TOP6BL: variants seen among roughly 807,000 people sequenced by gnomAD.
TOP6BL encodes type 2 DNA topoisomerase 6 subunit B-like.
At chr11:66,759,691 C>G in the TOP6BL span, among the ~76,000 whole-genome samples, 160 of 152,298 alleles carry the variant, frequency 1.1e-3, no homozygotes, top group Non-Finnish European at 2.0e-3. Context: ...TCAAGCAATT[C>G]TCCTGCCTCA....
the TOP6BL span, among the ~76,000 whole-genome samples, chr11:66,784,368 C>T: frequency 6.6e-6 from 1 of 151,726 alleles, no homozygotes; most frequent in Non-Finnish European, 1.5e-5. Context: ...GGGGTTTTGC[C>T]AAGGGGTGGT....
chr11:66,747,563 A>G, the TOP6BL span, among the ~76,000 whole-genome samples: 1 of 151,746 alleles, frequency 6.6e-6, no homozygotes, highest in East Asian at 2.0e-4. Context: ...TGGTAGTTTT[A>G]TCCCCATTTT....
chr11:66,762,465 C>T, the TOP6BL span: 6 of 277,148 alleles, frequency 2.2e-5, no homozygotes, highest in African/African-American at 9.5e-5. Flanking sequence ...CCAGAGTACC[C>T]TTTTTTGTTT....
At chr11:66,801,045 C>G in the TOP6BL span, 2 of 1,613,778 alleles carry the variant, frequency 1.2e-6, no homozygotes, top group Middle Eastern at 1.6e-4. Context: ...GAGAATGAAC[C>G]CACTTTGAAC....
At chr11:66,822,744 C>A in the TOP6BL span, 1 of 1,095,010 alleles carries the variant, frequency 9.1e-7, no homozygotes, top group South Asian at 1.4e-5. Flanking sequence ...TGGCTCATGC[C>A]TATAATCGCA....
At chr11:66,806,588 C>CA in the TOP6BL span, among the ~76,000 whole-genome samples, 2 of 151,954 alleles carry the variant, frequency 1.3e-5, no homozygotes, top group Non-Finnish European at 2.9e-5. Flanking sequence ...GCCAACATGG[C>CA]AAAACCCTGT....
At chr11:66,760,578 T>G in the TOP6BL span, among the ~76,000 whole-genome samples, 1,031 of 147,634 alleles carry the variant, frequency 7.0e-3, 7 homozygotes, top group African/African-American at 0.024. Flanking sequence ...AGTAGAACTT[T>G]TTGGAGTTCA....
chr11:66,789,758 T>C, the TOP6BL span, among the ~76,000 whole-genome samples: 1 of 152,220 alleles, frequency 6.6e-6, no homozygotes, highest in Non-Finnish European at 1.5e-5. Flanking sequence ...GGATGAGGAT[T>C]ATCACCCCAT....
the TOP6BL span, among the ~76,000 whole-genome samples, chr11:66,761,348 G>A: frequency 2.6e-5 from 4 of 151,892 alleles, no homozygotes; most frequent in East Asian, 7.7e-4. Context: ...AACAGCCTGG[G>A]CGACAGAGCG....
At chr11:66,826,709 T>C in the TOP6BL span, among the ~76,000 whole-genome samples, 166 of 152,206 alleles carry the variant, frequency 1.1e-3, no homozygotes, top group African/African-American at 3.8e-3. Context: ...TGAGACAGAG[T>C]TTCGCTCTTG....
the TOP6BL span, among the ~76,000 whole-genome samples, chr11:66,801,646 G>A: frequency 6.6e-6 from 1 of 152,082 alleles, no homozygotes; most frequent in Admixed American, 6.6e-5. Flanking sequence ...GACCAGCCTG[G>A]CCAACATGGC....
chr11:66,798,058 T>G, the TOP6BL span, among the ~76,000 whole-genome samples: 1 of 152,196 alleles, frequency 6.6e-6, no homozygotes, highest in South Asian at 2.1e-4. Context: ...GAGAAAACTA[T>G]GGTACAGAGA....
chr11:66,837,082 T>C, the TOP6BL span, among the ~76,000 whole-genome samples: 8 of 152,182 alleles, frequency 5.3e-5, no homozygotes, highest in Non-Finnish European at 1.2e-4. Flanking sequence ...CTCCCATTCT[T>C]GTGGATTGAC....
chr11:66,822,769 C>A, the TOP6BL span: 1 of 817,490 alleles, frequency 1.2e-6, no homozygotes, highest in South Asian at 1.6e-5. Flanking sequence ...TTTGGGAGGC[C>A]AAGGTAGGAG....
At chr11:66,769,920 T>A in the TOP6BL span, among the ~76,000 whole-genome samples, 1 of 151,464 alleles carries the variant, frequency 6.6e-6, no homozygotes, top group Non-Finnish European at 1.5e-5. Flanking sequence ...TTTTTTTTTG[T>A]ATTTTTAGTA....
the TOP6BL span, among the ~76,000 whole-genome samples, chr11:66,823,294 CA>C: frequency 0.011 from 450 of 41,284 alleles, 1 homozygote; most frequent in Middle Eastern, 0.023. Flanking sequence ...GACTCCACCT[CA>C]AAAAAAAAAA....
chr11:66,758,976 C>G, the TOP6BL span: 9 of 1,217,582 alleles, frequency 7.4e-6, no homozygotes, highest in Non-Finnish European at 1.1e-6. Context: ...TTTAGACTCT[C>G]ATTTGATTCT....
At chr11:66,835,179 G>A in the TOP6BL span, among the ~76,000 whole-genome samples, 1 of 152,036 alleles carries the variant, frequency 6.6e-6, no homozygotes, top group Admixed American at 6.6e-5. Flanking sequence ...ATATCTCAAT[G>A]CGGGTAGTTC....
At chr11:66,828,899 AAAG>A in the TOP6BL span, 1 of 152,254 alleles carries the variant, frequency 6.6e-6, no homozygotes, top group Non-Finnish European at 1.5e-5. Flanking sequence ...CCTTGAGGGT[AAAG>A]ACCCCAACTA....
Sources: allele counts gnomAD v4.1 joint callset (sites outside exome capture counted in the v4.1 genomes callset), GRCh38; gene constraint gnomAD v4.1.1; transcripts MANE v1.5; gene names NCBI Gene and HGNC (gene_info 2026-07-23, HGNC 2026-07-21).